The following SLC7A14 variants were observed in gnomAD, a reference collection of about 807,000 sequenced individuals.
SLC7A14 encodes gamma-aminobutyric acid transporter SLC7A14.
Under a neutral mutation model 60.2 loss-of-function variants are expected in SLC7A14, and 37 were observed. The observed-to-expected ratio is 0.61, with a 90% CI of 0.47 to 0.81. The LOEUF is 0.81. Ranked by LOEUF, SLC7A14 falls within the 30% of genes least tolerant of loss-of-function variation. The probability of loss-of-function intolerance (pLI) is 0.00; values close to 1 mark genes in which losing one functional copy is unlikely to be tolerated. For missense variants in SLC7A14, 886 were observed against 982.7 expected, an observed-to-expected ratio of 0.90 and a Z score of 1.32; for synonymous variants, 399 against 395.8, an observed-to-expected ratio of 1.01 and a Z score of -0.10.
intron 7 of SLC7A14, among the ~76,000 whole-genome samples, chr3:170,478,403 A>C (rs1711699687): frequency 7.0e-6 from 1 of 142,330 alleles, no homozygotes; most frequent in Non-Finnish European, 1.6e-5. Context: ...TGTTATAAAA[A>C]TTGGTTAAAA....
At chr3:170,472,762 C>T (rs539060246) in intron 7 of SLC7A14, among the ~76,000 whole-genome samples, 11 of 140,012 alleles carry the variant, frequency 7.9e-5, no homozygotes, top group African/African-American at 2.7e-4. Context: ...GTGAAGACTC[C>T]GTCTCAAAAA....
In SLC7A14 at chr3:170,466,065, A is replaced by G. The variant is rs1651898514; in HGVS notation, c.*990T>C. The G allele has an allele frequency of 6.6e-6, 1 of 152,266 alleles. No individual in the cohort carries two copies. The allele number at this position is 152,266 out of a possible 1,614,324, so 9.4% of individuals were successfully genotyped here. On this transcript the variant is annotated 3_prime_UTR_variant, in exon 8 of 8. Transcript: ENST00000231706. ...GCCTATTTTGTTTTCAGAGTAGCAC[A>G]CACCAATCAAGTGGTTGCCTATCTC...
chr3:170,512,469 T>G (rs925553469), intron 2 of SLC7A14, among the ~76,000 whole-genome samples: 4 of 152,066 alleles, frequency 2.6e-5, no homozygotes, highest in African/African-American at 9.7e-5. Flanking sequence ...TTAGGAGGCT[T>G]GCAGGAGAGA....
intron 4 of SLC7A14, among the ~76,000 whole-genome samples, chr3:170,498,306 T>C (rs570082094): frequency 4.4e-4 from 67 of 152,360 alleles, no homozygotes; most frequent in Non-Finnish European, 4.4e-5. Flanking sequence ...TGGGAGTTTT[T>C]TTCATCTTTA....
chr3:170,511,403 A>T (rs1712975847), intron 2 of SLC7A14, among the ~76,000 whole-genome samples: 1 of 152,158 alleles, frequency 6.6e-6, no homozygotes, highest in Non-Finnish European at 1.5e-5. Context: ...GTCTTAAAAA[A>T]AAAAGAAAAA....
In SLC7A14 at chr3:170,501,316, C is replaced by T; in HGVS notation, c.334G>A (p.Val112Ile). The change falls in exon 3 of 8, where the codon GTC (valine) becomes ATC (isoleucine). Residue 112 changes from valine (V) to isoleucine (I), a missense_variant. Transcript: ENST00000231706. ...GVCYAEFGVR[V>I]PKTTGSAYTY... Reference sequence around the variant, plus strand: ...TAGGCAGATCCTGTGGTCTTGGGGACTCGAACTCCAAACTCTGCATAGCAG... The same window carrying T: ...TAGGCAGATCCTGTGGTCTTGGGGATTCGAACTCCAAACTCTGCATAGCAG... 1 of 1,614,184 alleles carries T rather than the reference C, an allele frequency of 6.2e-7. No homozygotes were observed. The highest frequency in any genetic ancestry group is 8.5e-7 in the Non-Finnish European group (1 of 1,180,036).
At chr3:170,584,434 C>T (rs963707505) in intron 1 of SLC7A14, among the ~76,000 whole-genome samples, 11 of 152,314 alleles carry the variant, frequency 7.2e-5, no homozygotes, top group Admixed American at 5.9e-4. Context: ...CAGGAAGTCT[C>T]ACTGCTCAGG....
chr3:170,480,621 AT>A lies in SLC7A14; in HGVS notation c.1660del (p.Met554TrpfsTer12). ...CCCCGTCGCTGCTGTGGGCCGGTCC[AT>A]TTTGCCTGGAAGGCCCAGCCGGATT... ...MRIRLGLPGKMDRPTAATGHT... is the reference protein window; with the variant it reads ...MRIRLGLPGKXDRPTAATGHT... On this transcript the variant is annotated frameshift_variant, in exon 7 of 8. Coordinates refer to ENST00000231706, the MANE Select transcript of SLC7A14 (RefSeq NM_020949.3). LOFTEE classifies it high-confidence loss of function. 1 of 1,614,220 alleles carries A rather than the reference AT, an allele frequency of 6.2e-7. No homozygotes were observed. Among genetic ancestry groups the A allele is most frequent in the Non-Finnish European group, 8.5e-7 (1 of 1,180,034 alleles).
intron 1 of SLC7A14, among the ~76,000 whole-genome samples, chr3:170,539,676 CTT>C (rs1713954601): frequency 6.6e-6 from 1 of 152,108 alleles, no homozygotes; most frequent in Non-Finnish European, 1.5e-5. Context: ...TAAAAATCCT[CTT>C]ATATTCATTA....
chr3:170,504,996 A>G (rs1277828435), intron 2 of SLC7A14, among the ~76,000 whole-genome samples: 1 of 152,214 alleles, frequency 6.6e-6, no homozygotes, highest in Admixed American at 6.5e-5. Context: ...TCTGTCTTGT[A>G]TCATATATGA....
intron 1 of SLC7A14, among the ~76,000 whole-genome samples, chr3:170,565,286 A>G (rs1038090279): frequency 6.6e-5 from 10 of 152,172 alleles, no homozygotes; most frequent in African/African-American, 2.4e-4. Flanking sequence ...CAACTGCAGT[A>G]GTAGCTAAGA....
At chr3:170,512,123 G>C (rs1371559840) in intron 2 of SLC7A14, among the ~76,000 whole-genome samples, 1 of 152,192 alleles carries the variant, frequency 6.6e-6, no homozygotes, top group Non-Finnish European at 1.5e-5. Context: ...GGTGAAAGTG[G>C]CACCAACAGA....
chr3:170,584,768 C>A (rs187631884), intron 1 of SLC7A14, among the ~76,000 whole-genome samples: 1 of 152,310 alleles, frequency 6.6e-6, no homozygotes, highest in East Asian at 1.9e-4. Context: ...ACCTTGCCCC[C>A]AGCGCTCTCC....
chr3:170,499,053 G>A lies in SLC7A14; in HGVS notation c.542-169C>T, dbSNP rs1476889390. Among the ~76,000 whole-genome samples the A allele has an allele frequency of 3.3e-5, 5 of 151,528 alleles. No individual in the cohort carries two copies. The East Asian group carries it at 5.8e-4, about 18-fold the overall frequency. ...AGATTGAGACCATCCTGGCTAATAC[G>A]GTGAAACCCTGTCTCTACTAAAAAT... On this transcript the variant is annotated intron_variant, in intron 3 of 7. Coordinates refer to ENST00000231706, the MANE Select transcript of SLC7A14 (RefSeq NM_020949.3).
intron 3 of SLC7A14, among the ~76,000 whole-genome samples, chr3:170,500,113 G>A (rs565670130): frequency 6.6e-6 from 1 of 152,206 alleles, no homozygotes; most frequent in African/African-American, 2.4e-5. Flanking sequence ...CTCAACTATT[G>A]TTTAGCTTTT....
intron 1 of SLC7A14, among the ~76,000 whole-genome samples, chr3:170,573,137 C>T (rs35150448): frequency 0.13 from 20,010 of 152,158 alleles, 1,574 homozygotes; most frequent in East Asian, 0.24. Flanking sequence ...AAACCAGACT[C>T]AGGTGCACTC....
intron 2 of SLC7A14, among the ~76,000 whole-genome samples, chr3:170,505,614 G>A (rs1162515408): frequency 3.3e-5 from 5 of 152,068 alleles, no homozygotes; most frequent in Admixed American, 6.6e-5. Context: ...GGCCGGGCGC[G>A]GTGGCTCATG....
In SLC7A14 at chr3:170,539,064, A is replaced by G. The variant is rs114602678; in HGVS notation, c.-152-11976T>C. On this transcript the variant is annotated intron_variant, in intron 1 of 7. Coordinates refer to ENST00000231706, the MANE Select transcript of SLC7A14 (RefSeq NM_020949.3). ...TAGGATCTCTTCTTAAAGCCCTCCA[A>G]TGGTTTTGTATCGCAAATGAAATGA... 4.1e-3 allele frequency among the ~76,000 whole-genome samples: 625 copies of G among 152,282 alleles called. 5 individuals carry two copies. Among genetic ancestry groups the G allele is most frequent in the African/African-American group, 0.014 (601 of 41,562 alleles).
intron 5 of SLC7A14, among the ~76,000 whole-genome samples, chr3:170,484,154 T>G (rs758810718): frequency 6.6e-6 from 1 of 152,152 alleles, no homozygotes; most frequent in Non-Finnish European, 1.5e-5. Context: ...CAGAATCAAG[T>G]CCTACTGATT....
Sources: gnomAD v4.1 joint callset for allele counts (sites outside exome capture counted in the v4.1 genomes callset) on GRCh38, gnomAD v4.1.1 for gene constraint, MANE v1.5 for transcripts, NCBI Gene and HGNC (gene_info 2026-07-23, HGNC 2026-07-21) for gene names.